The following TRAPPC2L variants were observed in gnomAD, a reference collection of about 807,000 sequenced individuals.
TRAPPC2L encodes trafficking protein particle complex subunit 2L.
In TRAPPC2L, 17 loss-of-function variants were observed where a neutral mutation model predicts 13.2. The observed-to-expected ratio is 1.29, with a 90% CI of 0.88 to 1.93. TRAPPC2L has a LOEUF of 1.93. Among genes scored for constraint, TRAPPC2L ranks in the 30% most tolerant of loss-of-function variants. The pLI is 0.00. For synonymous variants in TRAPPC2L, 150 were observed against 98.1 expected (o/e 1.53, Z -3.12); for missense variants, 359 against 252.1 (o/e 1.42, Z -2.87).
chr16:88,857,145 C>G, exon 1 of TRAPPC2L: 1 of 1,579,150 alleles, frequency 6.3e-7, no homozygotes, highest in Non-Finnish European at 8.6e-7. Context: ...CGCCGAGCCT[C>G]CCAAGATGGC....
chr16:88,856,918 C>T (rs12933564), upstream of TRAPPC2L: 132 of 1,486,728 alleles, frequency 8.9e-5, no homozygotes, highest in Non-Finnish European at 1.1e-4. Context: ...AGCGAGCCGA[C>T]CTAGCGAGCG....
rs531834319 is a variant in TRAPPC2L at position 88,861,529 on chromosome 16, C to T, written c.*1205C>T. 44 of 402,620 alleles carry T rather than the reference C, an allele frequency of 1.1e-4. 1 individual carries two copies. The highest frequency in any genetic ancestry group is 3.6e-4 in the South Asian group (21 of 57,844). 24.9% of individuals were successfully genotyped at this position (402,620 alleles called of 1,614,324 possible). On this transcript the variant is annotated 3_prime_UTR_variant, in exon 4 of 4. Transcript: ENST00000565504. ...AAACCTGGGAAGCCTCGTGGCCCCG[C>T]GGCGTTGGCTCAGCTGCAGCCCTGG...
At chr16:88,860,523 G>A in exon 4 of TRAPPC2L, 1 of 595,798 alleles carries the variant, frequency 1.7e-6, no homozygotes. Flanking sequence ...ACGCTGCAGT[G>A]ATCCAAGGCA....
intron 1 of TRAPPC2L, 43 bp downstream of exon 1, chr16:88,857,226 C>G (rs762803445): frequency 6.2e-6 from 9 of 1,460,796 alleles, no homozygotes; most frequent in East Asian, 2.8e-5. Flanking sequence ...GCACCATCCT[C>G]GGCTCTCCGC....
rs1968151169 is a variant in TRAPPC2L, at chr16:88,858,617, A to G, written c.34-2A>G. 1.2e-6 allele frequency: 2 copies of G among 1,611,754 alleles called. No homozygotes were observed. The highest frequency in any genetic ancestry group is 2.7e-5 in the African/African-American group (2 of 75,008). On this transcript the variant is annotated splice_acceptor_variant, in intron 1 of 3. Transcript: ENST00000565504. LOFTEE classifies it high-confidence loss of function. Reference sequence around the variant, plus strand: ...TTCAGTCGCCGTCATCCTTTCTTGCAGAATTACCCCCTCTACATTCGCAGC... The same window carrying G: ...TTCAGTCGCCGTCATCCTTTCTTGCGGAATTACCCCCTCTACATTCGCAGC...
At position 88,860,910 on chromosome 16, in the gene TRAPPC2L, G is replaced by C; in HGVS notation, c.*586G>C. Reference sequence around the variant, plus strand: ...CCTCTGAGTGGGTCTGTTTCTCTTAGCAGGGCCTTTGATAACATGGTGACG... The same window carrying C: ...CCTCTGAGTGGGTCTGTTTCTCTTACCAGGGCCTTTGATAACATGGTGACG... On this transcript the variant is annotated 3_prime_UTR_variant, in exon 4 of 4. Transcript: ENST00000565504. 8 of 1,591,936 alleles carry C rather than the reference G, an allele frequency of 5.0e-6. No individual in the cohort carries two copies. The highest frequency in any genetic ancestry group is 6.8e-6 in the Non-Finnish European group (8 of 1,171,094).
chr16:88,859,551 TG>T, intron 2 of TRAPPC2L, 111 bp from the exon 3 acceptor site: 1 of 1,033,178 alleles, frequency 9.7e-7, no homozygotes, highest in Non-Finnish European at 1.5e-6. Flanking sequence ...CAGCCCAGCA[TG>T]GGCATTTCCT....
exon 4 of TRAPPC2L, chr16:88,862,272 C>G (rs902529281): frequency 1.3e-5 from 2 of 152,478 alleles, no homozygotes; most frequent in Non-Finnish European, 2.9e-5. Context: ...TAACAGAACC[C>G]CGGTGCCTCT....
intron 2 of TRAPPC2L, 48 bp from the exon 3 acceptor site, chr16:88,859,615 C>A: frequency 1.3e-6 from 2 of 1,566,778 alleles, no homozygotes; most frequent in Non-Finnish European, 1.8e-6. Flanking sequence ...GAGGGCCCTC[C>A]ACCGGCAGTC....
chr16:88,860,950 G>A (rs1597630710), exon 4 of TRAPPC2L: 2 of 1,591,172 alleles, frequency 1.3e-6, no homozygotes, highest in Non-Finnish European at 1.7e-6. Flanking sequence ...TGATGATACA[G>A]GTGTGCTGAG....
chr16:88,859,976 G>C lies in TRAPPC2L; in HGVS notation c.378G>C (p.Trp126Cys), dbSNP rs1209296102. 7 of 1,613,838 alleles carry C rather than the reference G, an allele frequency of 4.3e-6. No homozygotes were observed. In the Admixed American group the frequency reaches 1.2e-4, roughly 27 times the overall value. The stretch of plus-strand genomic sequence containing the variant: ...CGGGGGACCGCATCCAGTCCAGGTG[G>C]GCCCTACTTTCTGTGTCTTGCCACC... Residue 126 changes from tryptophan to cysteine, a missense_variant, in exon 4 of 4, where the codon TGG becomes TGC. Transcript: ENST00000565504.
chr16:88,860,843 G>A, exon 4 of TRAPPC2L: 35 of 1,512,908 alleles, frequency 2.3e-5, no homozygotes, highest in South Asian at 3.6e-5. Flanking sequence ...GAGCCATGCT[G>A]CCCGGCCCGT....
chr16:88,860,155 A>G lies in TRAPPC2L; in HGVS notation c.557A>G (p.His186Arg), dbSNP rs1014768168. 7.0e-6 allele frequency: 5 copies of G among 714,408 alleles called. No homozygotes were observed. The African/African-American group carries it at 8.7e-5, about 12-fold the overall frequency. 44.3% of individuals were successfully genotyped at this position (714,408 alleles called of 1,614,324 possible). The change falls in exon 4 of 4, where the codon CAC (histidine) becomes CGC (arginine). Residue 186 changes from histidine (H) to arginine (R), a missense_variant. Physicochemically the swap from His to Arg is conservative, Grantham distance 29. Transcript: ENST00000565504. ...CCCGTTTCTCCACACCAACTCTTAC[A>G]CAGATCTCCAGCGCATAAAGTGGAT...
intron 1 of TRAPPC2L, 51 bp downstream of exon 1, chr16:88,857,234 C>T (rs368030277): frequency 7.6e-6 from 11 of 1,438,532 alleles, no homozygotes; most frequent in Non-Finnish European, 4.6e-6. Flanking sequence ...CTCGGCTCTC[C>T]GCTTTCTTTC....
chr16:88,861,150 AT>A, exon 4 of TRAPPC2L: 1 of 613,054 alleles, frequency 1.6e-6, no homozygotes, highest in East Asian at 2.8e-5. Flanking sequence ...CAAGGATTTA[AT>A]TAAGAAGAAT....
chr16:88,859,601 C>G, intron 2 of TRAPPC2L, 62 bp from the exon 3 acceptor site: 2 of 1,500,054 alleles, frequency 1.3e-6, no homozygotes. Flanking sequence ...AGTGAGGGCC[C>G]ACAGAGGGCC....
Position 88,858,682 on chromosome 16 carries a change from C to T in TRAPPC2L, c.97C>T (p.His33Tyr), listed in dbSNP as rs146089909. Residue 33 changes from histidine to tyrosine, a missense_variant, in exon 2 of 4, where the codon CAC becomes TAC. Coordinates refer to ENST00000565504, the Ensembl canonical transcript of TRAPPC2L. ...CGAGCTGAAGTTCCACTACATGGTG[C>T]ACACATCTCTGGACGTGGTGGATGA... The T allele has an allele frequency of 3.7e-5, 59 of 1,613,476 alleles. No individual in the cohort carries two copies. In the African/African-American group the frequency reaches 6.5e-4, roughly 18 times the overall value.
intron 2 of TRAPPC2L, chr16:88,859,078 T>C: frequency 6.2e-6 from 3 of 485,134 alleles, no homozygotes; most frequent in Non-Finnish European, 1.1e-5. Flanking sequence ...CCTGCAAGGA[T>C]TTCTTTCTGT....
rs754247383 is a variant in TRAPPC2L, at chr16:88,858,818, A to AG, written c.206+30dup. Reference sequence around the variant, plus strand: ...TATCTTTCAGGGCAGGGTGTGTGTCAGGGAGGACCTACAGTTGCAAGATGT... The same window carrying AG: ...TATCTTTCAGGGCAGGGTGTGTGTCAGGGGAGGACCTACAGTTGCAAGATGT... On this transcript the variant is annotated intron_variant, in intron 2 of 3. Coordinates refer to ENST00000565504, the Ensembl canonical transcript of TRAPPC2L. 1.8e-5 allele frequency: 29 copies of AG among 1,600,148 alleles called. No homozygotes were observed. The Admixed American group carries it at 2.6e-4, about 14-fold the overall frequency.
Sources: gnomAD v4.1 joint callset for allele counts on GRCh38, gnomAD v4.1.1 for gene constraint, MANE v1.5 for transcripts, NCBI Gene and HGNC (gene_info 2026-07-23, HGNC 2026-07-21) for gene names.